The following MDGA2 variants were observed in gnomAD, a reference collection of about 807,000 sequenced individuals.
The protein encoded by MDGA2 is MAM domain-containing glycosylphosphatidylinositol anchor protein 2.
In MDGA2, 40 loss-of-function variants were observed where a neutral mutation model predicts 117.8. The ratio of observed to expected loss-of-function variants is 0.34; its 90% CI spans 0.26 to 0.44. MDGA2 has a LOEUF of 0.44. Among genes scored for constraint, MDGA2 ranks in the 20% least tolerant of loss-of-function variants. The pLI, the probability that MDGA2 is intolerant of heterozygous loss-of-function variation, is 1.00. For missense variants in MDGA2, 1,123 were observed against 1,250.6 expected, an observed-to-expected ratio of 0.90 and a Z score of 1.54; for synonymous variants, 452 against 439.0, an observed-to-expected ratio of 1.03 and a Z score of -0.37.
intron 3 of MDGA2, among the ~76,000 whole-genome samples, chr14:47,213,924 G>A (rs773593750): frequency 3.9e-5 from 6 of 152,094 alleles, no homozygotes; most frequent in Non-Finnish European, 7.4e-5. Context: ...CACCTTCTTC[G>A]CAAGTCGGCC....
At chr14:47,365,664 A>G (rs556313542) in intron 1 of MDGA2, among the ~76,000 whole-genome samples, 1 of 152,340 alleles carries the variant, frequency 6.6e-6, no homozygotes, top group African/African-American at 2.4e-5. Flanking sequence ...AGTAAATGGT[A>G]ACTAATTCTG....
At chr14:46,878,449 T>G (rs1436604152) in intron 11 of MDGA2, among the ~76,000 whole-genome samples, 1 of 152,070 alleles carries the variant, frequency 6.6e-6, no homozygotes, top group Non-Finnish European at 1.5e-5. Context: ...ATTTTCTTAG[T>G]GGTTGTCATT....
intron 9 of MDGA2, among the ~76,000 whole-genome samples, chr14:46,934,382 AC>A: frequency 1.3e-5 from 2 of 152,264 alleles, no homozygotes; most frequent in South Asian, 4.1e-4. Flanking sequence ...ATAGGAATTT[AC>A]AGCTCACAAA....
chr14:47,522,135 T>G (rs1212074063), intron 1 of MDGA2, among the ~76,000 whole-genome samples: 1 of 152,140 alleles, frequency 6.6e-6, no homozygotes, highest in African/African-American at 2.4e-5. Context: ...ATTAAACACA[T>G]TAACTAATAT....
intron 1 of MDGA2, among the ~76,000 whole-genome samples, chr14:47,384,067 G>C (rs1353370094): frequency 6.6e-6 from 1 of 151,892 alleles, no homozygotes; most frequent in Non-Finnish European, 1.5e-5. Flanking sequence ...TTCCATATTG[G>C]TTAGTAACTA....
intron 3 of MDGA2, among the ~76,000 whole-genome samples, chr14:47,174,375 C>A (rs1302934002): frequency 1.3e-5 from 2 of 152,074 alleles, no homozygotes; most frequent in Non-Finnish European, 2.9e-5. Flanking sequence ...ACACCTATTC[C>A]AAAATTGACC....
intron 8 of MDGA2, among the ~76,000 whole-genome samples, chr14:46,992,993 T>C (rs1887150060): frequency 6.6e-6 from 1 of 152,114 alleles, no homozygotes; most frequent in Non-Finnish European, 1.5e-5. Context: ...TATACTTCAT[T>C]CCCCAATAAC....
intron 4 of MDGA2, among the ~76,000 whole-genome samples, chr14:47,140,298 C>T (rs1882661722): frequency 6.6e-6 from 1 of 151,944 alleles, no homozygotes; most frequent in African/African-American, 2.4e-5. Flanking sequence ...TGTCAAAATA[C>T]CAATGAAATT....
chr14:47,617,394 AG>A (rs945508987), intron 1 of MDGA2, among the ~76,000 whole-genome samples: 2 of 151,588 alleles, frequency 1.3e-5, no homozygotes, highest in Non-Finnish European at 2.9e-5. Flanking sequence ...TAGTAGAGAC[AG>A]GGTTCACCAT....
intron 1 of MDGA2, among the ~76,000 whole-genome samples, chr14:47,492,572 G>C (rs1344529225): frequency 6.6e-6 from 1 of 152,024 alleles, no homozygotes. Flanking sequence ...AAACTGTTTT[G>C]TACTTTAGCA....
At chr14:47,585,973 A>G (rs542743333) in intron 1 of MDGA2, among the ~76,000 whole-genome samples, 11 of 152,038 alleles carry the variant, frequency 7.2e-5, no homozygotes, top group African/African-American at 2.4e-4. Flanking sequence ...TGCAGATGGG[A>G]GGAGAAGTAA....
chr14:47,067,083 C>T (rs1366664279), intron 6 of MDGA2, among the ~76,000 whole-genome samples: 1 of 152,198 alleles, frequency 6.6e-6, no homozygotes, highest in East Asian at 1.9e-4. Flanking sequence ...CCACTGCACT[C>T]CAGCCTGGAC....
At chr14:47,001,165 T>C (rs548271940) in intron 8 of MDGA2, among the ~76,000 whole-genome samples, 2 of 152,130 alleles carry the variant, frequency 1.3e-5, no homozygotes, top group Middle Eastern at 3.4e-3. Flanking sequence ...AAGCCATTTA[T>C]GCAGCCAGGT....
At chr14:47,172,062 A>G (rs1483861050) in intron 3 of MDGA2, among the ~76,000 whole-genome samples, 1 of 152,112 alleles carries the variant, frequency 6.6e-6, no homozygotes, top group African/African-American at 2.4e-5. Context: ...GTGGTCTGAG[A>G]TCAAACTGCA....
chr14:47,276,005 T>C (rs919329011), intron 2 of MDGA2, among the ~76,000 whole-genome samples: 1 of 152,114 alleles, frequency 6.6e-6, no homozygotes, highest in African/African-American at 2.4e-5. Flanking sequence ...ACTGTGACTT[T>C]CCTGGATGAA....
rs772304862 is a variant in MDGA2 at position 47,264,861 on chromosome 14, C to T, written c.420+36550G>A. ...TAATGCTATTCCACCCCTAGCCTCCCATCCCCAGACAGGCCCCCATGTGTG... is the reference window on the plus strand; with the variant it reads ...TAATGCTATTCCACCCCTAGCCTCCTATCCCCAGACAGGCCCCCATGTGTG... On this transcript the variant is annotated intron_variant, in intron 2 of 16. Coordinates refer to ENST00000399232, the MANE Select transcript of MDGA2 (RefSeq NM_001113498.3). Among the ~76,000 whole-genome samples the T allele has an allele frequency of 5.3e-4, 81 of 152,002 alleles. 1 individual carries two copies. The highest frequency in any genetic ancestry group is 1.0e-3 in the Non-Finnish European group (71 of 68,008).
intron 6 of MDGA2, among the ~76,000 whole-genome samples, chr14:47,091,626 G>C (rs1555351683): frequency 6.6e-6 from 1 of 152,070 alleles, no homozygotes; most frequent in African/African-American, 2.4e-5. Context: ...GAAAAGCCAT[G>C]GGAGGAATCT....
intron 1 of MDGA2, among the ~76,000 whole-genome samples, chr14:47,443,412 G>C (rs943217235): frequency 5.3e-5 from 8 of 152,118 alleles, no homozygotes; most frequent in African/African-American, 1.7e-4. Flanking sequence ...CTTGGATATG[G>C]AGAACTACTA....
intron 9 of MDGA2, among the ~76,000 whole-genome samples, chr14:46,937,726 G>T (rs983300197): frequency 2.6e-5 from 4 of 152,084 alleles, no homozygotes; most frequent in African/African-American, 9.7e-5. Flanking sequence ...CAATAATGAT[G>T]CTAGGAAAAC....
Sources: gnomAD v4.1 joint callset for allele counts (sites outside exome capture counted in the v4.1 genomes callset) on GRCh38, gnomAD v4.1.1 for gene constraint, MANE v1.5 for transcripts, NCBI Gene and HGNC (gene_info 2026-07-23, HGNC 2026-07-21) for gene names.